Variants in XKR6 observed in about 807,000 individuals in gnomAD.
XKR6 encodes XK-related protein 6.
A neutral mutation model predicts 56.7 loss-of-function variants in XKR6; 22 were observed. The observed-to-expected ratio is 0.39, with a 90% CI of 0.28 to 0.55. The LOEUF is 0.55. Among genes scored for constraint, XKR6 ranks in the 20% least tolerant of loss-of-function variants. The pLI, the probability that XKR6 is intolerant of heterozygous loss-of-function variation, is 0.66. For synonymous variants in XKR6, 524 were observed against 387.8 expected, an observed-to-expected ratio of 1.35 and a Z score of -4.13; for missense variants, 852 against 889.0, an observed-to-expected ratio of 0.96 and a Z score of 0.53.
intron 1 of XKR6, among the ~76,000 whole-genome samples, chr8:11,129,784 T>C (rs1800010512): frequency 6.6e-6 from 1 of 151,590 alleles, no homozygotes; most frequent in African/African-American, 2.4e-5. Context: ...AGGGATCTTT[T>C]CTATCCAGCC....
At chr8:11,080,600 G>A (rs1797684680) in intron 1 of XKR6, among the ~76,000 whole-genome samples, 1 of 148,626 alleles carries the variant, frequency 6.7e-6, no homozygotes, top group African/African-American at 2.5e-5. Flanking sequence ...CAGGCCCCCA[G>A]GTGGCCTCCA....
At chr8:11,097,485 A>ATTT (rs1798300445) in intron 1 of XKR6, among the ~76,000 whole-genome samples, 18 of 85,928 alleles carry the variant, frequency 2.1e-4, no homozygotes, top group South Asian at 1.2e-3. Flanking sequence ...TTTTTTTTTA[A>ATTT]AAAAAAAAAG....
Position 11,033,297 on chromosome 8 carries a change from GGTGGTGGTGATGATGATGATGA to G in XKR6, c.765-108489_765-108468del, listed in dbSNP as rs1363255539. On this transcript the variant is annotated intron_variant, in intron 1 of 2. Coordinates refer to ENST00000416569, the MANE Select transcript of XKR6 (RefSeq NM_173683.4). ...CGATGATGACGATAGTGATGGTGAT[GGTGGTGGTGATGATGATGATGA>G]CGATAGTGATGGTGATGGTGGTGGT... Among the ~76,000 whole-genome samples the G allele has an allele frequency of 2.2e-3, 325 of 149,908 alleles. 2 individuals are homozygous for G. Among genetic ancestry groups the G allele is most frequent in the African/African-American group, 7.7e-3 (308 of 39,890 alleles).
At chr8:10,924,172 C>A (rs1800805179) in intron 2 of XKR6, among the ~76,000 whole-genome samples, 1 of 152,250 alleles carries the variant, frequency 6.6e-6, no homozygotes, top group African/African-American at 2.4e-5. Context: ...GGGGCTTACA[C>A]ATGAGCTTGG....
At chr8:11,083,698 G>A (rs13262873) in intron 1 of XKR6, among the ~76,000 whole-genome samples, 3,340 of 152,230 alleles carry the variant, frequency 0.022, 52 homozygotes, top group Non-Finnish European at 0.034. Context: ...ATCTGAAAGC[G>A]ATCTAAGTGT....
chr8:10,925,576 G>A (rs768194435), intron 1 of XKR6, among the ~76,000 whole-genome samples: 1 of 152,202 alleles, frequency 6.6e-6, no homozygotes, highest in African/African-American at 2.4e-5. Context: ...GCTCTGTGTG[G>A]GAGGGCTGAG....
At chr8:11,173,063 C>T (rs1003905643) in intron 1 of XKR6, among the ~76,000 whole-genome samples, 6 of 151,684 alleles carry the variant, frequency 4.0e-5, no homozygotes, top group Non-Finnish European at 5.9e-5. Flanking sequence ...CGGCCGGGCG[C>T]GGTGGCTCAC....
At chr8:11,087,571 T>C (rs1797932015) in intron 1 of XKR6, among the ~76,000 whole-genome samples, 1 of 152,126 alleles carries the variant, frequency 6.6e-6, no homozygotes, top group Non-Finnish European at 1.5e-5. Context: ...CTGGACATGG[T>C]CAGGTCTCAA....
At chr8:11,157,183 G>C (rs1338454204) in intron 1 of XKR6, among the ~76,000 whole-genome samples, 1 of 152,130 alleles carries the variant, frequency 6.6e-6, no homozygotes, top group African/African-American at 2.4e-5. Context: ...TGAAAAGCAA[G>C]GAAAGACCAA....
At chr8:10,910,349 C>T (rs573300420) in intron 2 of XKR6, among the ~76,000 whole-genome samples, 1 of 152,234 alleles carries the variant, frequency 6.6e-6, no homozygotes, top group South Asian at 2.1e-4. Flanking sequence ...CCAAAGAATT[C>T]CCCCTGAGAA....
chr8:10,899,013 G>T (rs1445192312), intron 2 of XKR6, 97 bp from the exon 3 acceptor site: 2 of 1,479,516 alleles, frequency 1.4e-6, no homozygotes, highest in Non-Finnish European at 1.8e-6. Context: ...CATACACCAC[G>T]ATCTAAAGGA....
At chr8:11,146,963 C>A (rs934811739) in intron 1 of XKR6, among the ~76,000 whole-genome samples, 4 of 151,878 alleles carry the variant, frequency 2.6e-5, no homozygotes, top group African/African-American at 7.3e-5. Flanking sequence ...TTGCCACAAG[C>A]TGGGGAAGAG....
At chr8:11,063,683 T>C (rs1327054775) in intron 1 of XKR6, among the ~76,000 whole-genome samples, 1 of 152,164 alleles carries the variant, frequency 6.6e-6, no homozygotes, top group Non-Finnish European at 1.5e-5. Flanking sequence ...TTTTAATATA[T>C]GGGGAGAGGC....
intron 1 of XKR6, among the ~76,000 whole-genome samples, chr8:11,009,237 A>C (rs1282760827): frequency 6.6e-6 from 1 of 152,176 alleles, no homozygotes; most frequent in Non-Finnish European, 1.5e-5. Context: ...TTGGCCGGGC[A>C]TGGTGACTCA....
chr8:11,111,932 G>C (rs1459532282), intron 1 of XKR6: 1 of 152,024 alleles, frequency 6.6e-6, no homozygotes, highest in African/African-American at 2.4e-5. Context: ...AATGTCAAAG[G>C]AAAGACTTTC....
chr8:10,939,900 G>C (rs1801338268), intron 1 of XKR6, among the ~76,000 whole-genome samples: 1 of 152,212 alleles, frequency 6.6e-6, no homozygotes, highest in African/African-American at 2.4e-5. Flanking sequence ...TTCTCCCTGG[G>C]CTTCGGGGGT....
At chr8:10,917,055 C>G (rs1330386762) in intron 2 of XKR6, among the ~76,000 whole-genome samples, 1 of 148,106 alleles carries the variant, frequency 6.8e-6, no homozygotes, top group Non-Finnish European at 1.5e-5. Flanking sequence ...TCCTGCTTCC[C>G]TGTCTTAGCA....
chr8:11,176,206 T>C (rs1802644610), intron 1 of XKR6, among the ~76,000 whole-genome samples: 1 of 152,206 alleles, frequency 6.6e-6, no homozygotes, highest in African/African-American at 2.4e-5. Context: ...GTAATAACCC[T>C]AGGAAATTAT....
chr8:10,959,268 C>A (rs1801990840), intron 1 of XKR6, among the ~76,000 whole-genome samples: 1 of 152,276 alleles, frequency 6.6e-6, no homozygotes, highest in Admixed American at 6.5e-5. Flanking sequence ...ACTGAGTCCC[C>A]TCGGCTTGCC....
Sources: allele counts gnomAD v4.1 joint callset (sites outside exome capture counted in the v4.1 genomes callset), GRCh38; gene constraint gnomAD v4.1.1; transcripts MANE v1.5; gene names NCBI Gene and HGNC (gene_info 2026-07-23, HGNC 2026-07-21).